The following CTNNA3 variants were observed in gnomAD, a reference collection of about 807,000 sequenced individuals.
CTNNA3 encodes the protein catenin alpha-3.
Under a neutral mutation model 95.7 loss-of-function variants are expected in CTNNA3, and 76 were observed. The observed-to-expected ratio is 0.79, with a 90% CI of 0.66 to 0.96. The LOEUF is 0.96. Ranked by LOEUF, CTNNA3 falls within the 40% of genes least tolerant of loss-of-function variation. The pLI is 0.00. For missense variants in CTNNA3, 1,191 were observed against 1,089.8 expected (o/e 1.09, Z -1.31); for synonymous variants, 431 against 374.4 (o/e 1.15, Z -1.74).
At chr10:66,840,407 CA>C (rs1374164604) in intron 7 of CTNNA3, among the ~76,000 whole-genome samples, 11 of 146,952 alleles carry the variant, frequency 7.5e-5, no homozygotes, top group South Asian at 2.2e-4. Context: ...CACACACACA[CA>C]CACCCCTCGG....
chr10:67,478,856 AAAC>A (rs1421783007), intron 5 of CTNNA3, among the ~76,000 whole-genome samples: 44 of 150,974 alleles, frequency 2.9e-4, no homozygotes, highest in African/African-American at 7.7e-4. Flanking sequence ...AAAAAAAAAA[AAAC>A]AAGACCTATC....
chr10:67,408,057 A>T (rs1424873709), intron 5 of CTNNA3, among the ~76,000 whole-genome samples: 1 of 152,226 alleles, frequency 6.6e-6, no homozygotes, highest in East Asian at 1.9e-4. Flanking sequence ...CTCTTCAAGG[A>T]GAACTACAAA....
At chr10:66,207,306 T>C (rs1589731071) in intron 13 of CTNNA3, among the ~76,000 whole-genome samples, 1 of 151,938 alleles carries the variant, frequency 6.6e-6, no homozygotes, top group African/African-American at 2.4e-5. Flanking sequence ...TATCATATTT[T>C]ATAAAACAAA....
intron 5 of CTNNA3, among the ~76,000 whole-genome samples, chr10:67,507,713 A>G (rs1035994132): frequency 6.6e-6 from 1 of 152,104 alleles, no homozygotes; most frequent in Non-Finnish European, 1.5e-5. Flanking sequence ...AATACTACAA[A>G]CTCATTTTAT....
intron 13 of CTNNA3, among the ~76,000 whole-genome samples, chr10:66,140,255 T>C (rs10822730): frequency 0.21 from 31,581 of 152,092 alleles, 3,407 homozygotes; most frequent in South Asian, 0.4. Flanking sequence ...TTTAACTTAA[T>C]AGTAAACCCC....
intron 5 of CTNNA3, among the ~76,000 whole-genome samples, chr10:67,237,122 GTATGTATATA>G (rs1168422077): frequency 0.022 from 1,714 of 79,542 alleles, 182 homozygotes; most frequent in Non-Finnish European, 0.033. Context: ...AAACTATGGT[GTATGTATATA>G]TATATATATA....
Position 66,206,955 on chromosome 10 carries a change from C to A in CTNNA3, c.1884+73515G>T, listed in dbSNP as rs148527408. Among the ~76,000 whole-genome samples, 70 of 151,952 alleles carry A rather than the reference C, an allele frequency of 4.6e-4. No homozygotes were observed. The East Asian group carries it at 0.013, about 29-fold the overall frequency. ...ATATAATTAGTAAAACAAAATTATA[C>A]CTTGGTAGTGTCTAATGCTTTCTAA... On this transcript the variant is annotated intron_variant, in intron 13 of 17. Coordinates refer to ENST00000433211, the MANE Select transcript of CTNNA3 (RefSeq NM_013266.4).
chr10:66,355,015 A>G (rs1217787552), intron 12 of CTNNA3, among the ~76,000 whole-genome samples: 1 of 152,176 alleles, frequency 6.6e-6, no homozygotes, highest in Non-Finnish European at 1.5e-5. Flanking sequence ...TTATTTTTAA[A>G]GAATAATCAA....
At position 66,856,316 on chromosome 10, in the gene CTNNA3, G is replaced by T. The variant is rs1032783203; in HGVS notation, c.1048-80792C>A. Among the ~76,000 whole-genome samples the T allele has an allele frequency of 3.3e-5, 5 of 151,940 alleles. No homozygotes were observed. The South Asian group carries it at 6.2e-4, about 19-fold the overall frequency. On this transcript the variant is annotated intron_variant, in intron 7 of 17. Transcript: ENST00000433211. Reference sequence around the variant, plus strand: ...GTACCACATTTTCTTTATCCAGTCTGCCACTGATGGGCGTTTAGGTTGATT... The same window carrying T: ...GTACCACATTTTCTTTATCCAGTCTTCCACTGATGGGCGTTTAGGTTGATT...
At chr10:67,109,298 C>A (rs1172240903) in intron 7 of CTNNA3, among the ~76,000 whole-genome samples, 3 of 152,100 alleles carry the variant, frequency 2.0e-5, no homozygotes, top group Non-Finnish European at 2.9e-5. Context: ...GCCTGATATA[C>A]CAATAAGCAC....
At chr10:66,488,799 T>C (rs1388154001) in intron 11 of CTNNA3, among the ~76,000 whole-genome samples, 1 of 151,880 alleles carries the variant, frequency 6.6e-6, no homozygotes, top group Non-Finnish European at 1.5e-5. Flanking sequence ...TAATTGATCA[T>C]GCCTCTCCAA....
chr10:67,699,923 T>C (rs894196548), upstream of CTNNA3, among the ~76,000 whole-genome samples: 3 of 152,226 alleles, frequency 2.0e-5, no homozygotes, highest in Admixed American at 6.5e-5. Flanking sequence ...CCCACCCTAA[T>C]ACTGCGCTTT....
chr10:67,416,465 G>A (rs999978379), intron 5 of CTNNA3, among the ~76,000 whole-genome samples: 90 of 151,640 alleles, frequency 5.9e-4, no homozygotes, highest in African/African-American at 1.9e-3. Flanking sequence ...AAAATTAGCC[G>A]GGCGTGGTGG....
chr10:65,935,334 T>C (rs2077319148), intron 17 of CTNNA3, among the ~76,000 whole-genome samples: 1 of 152,164 alleles, frequency 6.6e-6, no homozygotes, highest in Non-Finnish European at 1.5e-5. Context: ...GGAGATAATT[T>C]GCACTAACTT....
At chr10:66,563,205 A>G (rs146963440) in intron 10 of CTNNA3, among the ~76,000 whole-genome samples, 2 of 152,268 alleles carry the variant, frequency 1.3e-5, no homozygotes, top group African/African-American at 4.8e-5. Flanking sequence ...AATCTCTATC[A>G]TTAGTAAATA....
chr10:67,115,206 G>C (rs1859112442), intron 7 of CTNNA3, among the ~76,000 whole-genome samples: 1 of 152,016 alleles, frequency 6.6e-6, no homozygotes, highest in East Asian at 1.9e-4. Flanking sequence ...TCTAACAACA[G>C]TGCAAACAAG....
At chr10:66,962,700 C>T (rs982276405) in intron 7 of CTNNA3, among the ~76,000 whole-genome samples, 3 of 152,166 alleles carry the variant, frequency 2.0e-5, no homozygotes, top group African/African-American at 7.2e-5. Flanking sequence ...CGTGAGCCAC[C>T]GTGCCTGGCC....
At chr10:66,347,346 C>T (rs1029538115) in intron 12 of CTNNA3, among the ~76,000 whole-genome samples, 2 of 152,022 alleles carry the variant, frequency 1.3e-5, no homozygotes, top group East Asian at 1.9e-4. Flanking sequence ...TGCCATGGCT[C>T]ACACCTGTAA....
At chr10:67,730,161 T>G (rs1474376104) in intron 1 of CTNNA3, among the ~76,000 whole-genome samples, 4 of 152,046 alleles carry the variant, frequency 2.6e-5, no homozygotes, top group Non-Finnish European at 4.4e-5. Context: ...TCTTTTAGAG[T>G]CTAAGGAAAA....
Sources: gnomAD v4.1 joint callset for allele counts (sites outside exome capture counted in the v4.1 genomes callset) on GRCh38, gnomAD v4.1.1 for gene constraint, MANE v1.5 for transcripts, NCBI Gene and HGNC (gene_info 2026-07-23, HGNC 2026-07-21) for gene names.